Variants in PHYHIPL observed in about 807,000 individuals in gnomAD.
PHYHIPL encodes phytanoyl-CoA 2-hydroxylase interacting protein like.
Under a neutral mutation model 33.4 loss-of-function variants are expected in PHYHIPL, and 9 were observed. That is an observed-to-expected ratio of 0.27 (90% CI 0.16 to 0.47). The LOEUF (loss-of-function observed/expected upper bound fraction) is 0.47. Among genes scored for constraint, PHYHIPL ranks in the 20% least tolerant of loss-of-function variants. The pLI is 0.99. For synonymous variants in PHYHIPL, 153 were observed against 154.1 expected, an observed-to-expected ratio of 0.99 and a Z score of 0.05; for missense variants, 365 against 460.7, an observed-to-expected ratio of 0.79 and a Z score of 1.90.
intron 1 of PHYHIPL, among the ~76,000 whole-genome samples, chr10:59,190,940 T>C (rs1838766721): frequency 6.6e-6 from 1 of 151,902 alleles, no homozygotes; most frequent in Admixed American, 6.6e-5. Flanking sequence ...ATTTTTTAAA[T>C]ATCTAAATAT....
Position 59,238,725 on chromosome 10 carries a change from A to G in PHYHIPL, c.596+20A>G. The G allele has an allele frequency of 6.8e-7, 1 of 1,463,546 alleles. No homozygotes were observed. The highest frequency in any genetic ancestry group is 9.6e-7 in the Non-Finnish European group (1 of 1,046,060). 90.7% of individuals were successfully genotyped at this position (1,463,546 alleles called of 1,614,324 possible). A position where few individuals can be genotyped will look rare whatever the true frequency, so the allele number is the denominator to read the frequency against. ...TGTTCGGTAAGATTCAAAAATATATAGTGATTTGTTTTACTAAATATAGTT... is the reference window on the plus strand; with the variant it reads ...TGTTCGGTAAGATTCAAAAATATATGGTGATTTGTTTTACTAAATATAGTT... On this transcript the variant is annotated intron_variant, in intron 4 of 4. Transcript: ENST00000373880.
At chr10:59,217,789 A>G (rs1839658526) in intron 1 of PHYHIPL, among the ~76,000 whole-genome samples, 1 of 152,074 alleles carries the variant, frequency 6.6e-6, no homozygotes, top group African/African-American at 2.4e-5. Flanking sequence ...ATTACTTCCT[A>G]CTAAGTAGAT....
chr10:59,196,801 C>T (rs1195904315), intron 1 of PHYHIPL, among the ~76,000 whole-genome samples: 5 of 152,144 alleles, frequency 3.3e-5, no homozygotes, highest in Admixed American at 6.6e-5. Flanking sequence ...TATTTTTGTA[C>T]GTCTTGCTTT....
intron 1 of PHYHIPL, among the ~76,000 whole-genome samples, chr10:59,209,311 T>A (rs903293255): frequency 6.6e-6 from 1 of 152,118 alleles, no homozygotes; most frequent in Non-Finnish European, 1.5e-5. Flanking sequence ...ATCCAGAATT[T>A]CATATCCAGC....
intron 1 of PHYHIPL, among the ~76,000 whole-genome samples, chr10:59,186,696 T>G (rs558870951): frequency 3.9e-5 from 6 of 152,226 alleles, no homozygotes; most frequent in Non-Finnish European, 8.8e-5. Context: ...GTAAGTTGGA[T>G]TCCTAGGTAT....
chr10:59,202,257 A>G (rs1349969148), intron 1 of PHYHIPL, among the ~76,000 whole-genome samples: 1 of 152,132 alleles, frequency 6.6e-6, no homozygotes, highest in African/African-American at 2.4e-5. Context: ...TTTCAGTAAT[A>G]GGGTACACTA....
Position 59,177,738 on chromosome 10 carries a change from G to C in PHYHIPL, c.106+779G>C, listed in dbSNP as rs887508424. On this transcript the variant is annotated intron_variant, in intron 1 of 4. Transcript: ENST00000373880. ...CGTTGAAGACATAAGCTAGTGCTGT[G>C]TGCGGTGTGGTTAGTTACAGTGCTT... is the stretch of plus-strand genomic sequence containing the variant. 3.3e-6 allele frequency: 4 copies of C among 1,210,766 alleles called. No homozygotes were observed. In the African/African-American group the frequency reaches 4.5e-5, roughly 14 times the overall value. The allele number at this position is 1,210,766 out of a possible 1,614,324, so 75.0% of individuals were successfully genotyped here.
chr10:59,187,263 C>T (rs1311235646), intron 1 of PHYHIPL, among the ~76,000 whole-genome samples: 6 of 152,110 alleles, frequency 3.9e-5, no homozygotes, highest in Non-Finnish European at 7.3e-5. Context: ...GGCTGGATTA[C>T]GTTTATTGAT....
intron 1 of PHYHIPL, among the ~76,000 whole-genome samples, chr10:59,201,160 T>C (rs568675588): frequency 6.6e-6 from 1 of 152,334 alleles, no homozygotes; most frequent in South Asian, 2.1e-4. Flanking sequence ...AGGATGTCAA[T>C]TTTAGATCTT....
Position 59,176,804 on chromosome 10 carries a change from C to T in PHYHIPL, c.-50C>T. 6.5e-7 allele frequency: 1 copy of T among 1,529,424 alleles called. No individual in the cohort carries two copies. Among genetic ancestry groups the T allele is most frequent in the Non-Finnish European group, 8.9e-7 (1 of 1,120,896 alleles). The allele number at this position is 1,529,424 out of a possible 1,614,324, so 94.7% of individuals were successfully genotyped here. On this transcript the variant is annotated 5_prime_UTR_variant, in exon 1 of 5. Transcript: ENST00000373880. ...CCGCTCTTCTTGCCCACCCGGCCGG[C>T]AGAGAGAGCCTGGATACGAAGCAGG...
At position 59,245,631 on chromosome 10, in the gene PHYHIPL, C is replaced by A; in HGVS notation, c.*40C>A. On this transcript the variant is annotated 3_prime_UTR_variant, in exon 5 of 5. Coordinates refer to ENST00000373880, the MANE Select transcript of PHYHIPL (RefSeq NM_032439.4). ...ATTCTTACTCAGCCCCTTTTCCTCC[C>A]TTAGGAGCATTGGTCCTCTGTTGTC... 1 of 1,533,678 alleles carries A rather than the reference C, an allele frequency of 6.5e-7. No homozygotes were observed. The highest frequency in any genetic ancestry group is 1.3e-5 in the South Asian group (1 of 76,846).
At chr10:59,173,790 GA>G (rs1200408447), upstream of PHYHIPL, among the ~76,000 whole-genome samples, 1 of 152,054 alleles carries the variant, frequency 6.6e-6, no homozygotes, top group Non-Finnish European at 1.5e-5. Flanking sequence ...TGGCTTTGGG[GA>G]AAAGGAATTG....
chr10:59,185,375 T>C (rs975454083), intron 1 of PHYHIPL, among the ~76,000 whole-genome samples: 16 of 152,172 alleles, frequency 1.1e-4, no homozygotes, highest in African/African-American at 3.9e-4. Flanking sequence ...TGTTGGACAT[T>C]TGGGTTGGTT....
intron 1 of PHYHIPL, among the ~76,000 whole-genome samples, chr10:59,212,764 T>C (rs980629872): frequency 2.0e-5 from 3 of 152,196 alleles, no homozygotes; most frequent in African/African-American, 7.2e-5. Context: ...AAGTTTTTCA[T>C]TTATCATTTC....
chr10:59,216,679 G>T (rs1246036428), intron 1 of PHYHIPL, among the ~76,000 whole-genome samples: 1 of 152,078 alleles, frequency 6.6e-6, no homozygotes, highest in Non-Finnish European at 1.5e-5. Flanking sequence ...GTGATGGAGT[G>T]GTAGAGGTAG....
rs1233637593 is a variant in PHYHIPL at position 59,245,273 on chromosome 10, C to T, written c.813C>T (p.Phe271=). 3 of 1,614,138 alleles carry T rather than the reference C, an allele frequency of 1.9e-6. No individual in the cohort carries two copies. The highest frequency in any genetic ancestry group is 2.5e-6 in the Non-Finnish European group (3 of 1,180,006). ...ATACTAACTTATACTTTGGGGACTT[C>T]TACTGTATGTACACTGCTTATCATT... is the stretch of plus-strand genomic sequence containing the variant. ...NPNTNLYFGD[F]YCMYTAYHYV... Residue 271 remains phenylalanine (F), a synonymous_variant, in exon 5 of 5, where the codon TTC becomes TTT. Coordinates refer to ENST00000373880, the MANE Select transcript of PHYHIPL (RefSeq NM_032439.4).
chr10:59,224,502 C>CAA (rs1839870479), intron 1 of PHYHIPL, among the ~76,000 whole-genome samples: 6 of 138,394 alleles, frequency 4.3e-5, no homozygotes, highest in Admixed American at 1.5e-4. Flanking sequence ...AAACAAAAAA[C>CAA]AAAACAAAAA....
At chr10:59,212,874 C>T (rs913547563) in intron 1 of PHYHIPL, among the ~76,000 whole-genome samples, 4 of 152,074 alleles carry the variant, frequency 2.6e-5, no homozygotes, top group Admixed American at 6.6e-5. Context: ...AGGATTTTAT[C>T]GGCTTATCAA....
rs1840704708 is a variant in PHYHIPL at position 59,246,315 on chromosome 10, TAAAC to T, written c.*728_*731del. ...CCTGTTAGAAGTAGATGACTTCAAT[TAAAC>T]AAATTTATGAAGGACATTATTCTGA... On this transcript the variant is annotated 3_prime_UTR_variant, in exon 5 of 5. Coordinates refer to ENST00000373880, the MANE Select transcript of PHYHIPL (RefSeq NM_032439.4). The T allele has an allele frequency of 5.3e-6, 1 of 188,694 alleles. No individual in the cohort carries two copies. Among genetic ancestry groups the T allele is most frequent in the Non-Finnish European group, 1.1e-5 (1 of 92,098 alleles). 11.7% of individuals were successfully genotyped at this position (188,694 alleles called of 1,614,324 possible).
Sources: gnomAD v4.1 joint callset for allele counts (sites outside exome capture counted in the v4.1 genomes callset) on GRCh38, gnomAD v4.1.1 for gene constraint, MANE v1.5 for transcripts, NCBI Gene and HGNC (gene_info 2026-07-23, HGNC 2026-07-21) for gene names.